Variants in POU6F2 observed in about 807,000 individuals in gnomAD.
POU6F2 encodes the protein POU class 6 homeobox 2.
In POU6F2, 31 loss-of-function variants were observed where a neutral mutation model predicts 71.3. The observed-to-expected ratio is 0.43, with a 90% CI of 0.33 to 0.59. The LOEUF (loss-of-function observed/expected upper bound fraction) is 0.59, where lower values mean the gene tolerates loss of function less well. Ranked by LOEUF, POU6F2 falls within the 20% of genes least tolerant of loss-of-function variation. The pLI, the probability that POU6F2 is intolerant of heterozygous loss-of-function variation, is 0.04. For missense variants in POU6F2, 783 were observed against 856.8 expected, an observed-to-expected ratio of 0.91 and a Z score of 1.07; for synonymous variants, 347 against 355.7, an observed-to-expected ratio of 0.98 and a Z score of 0.27.
At chr7:39,206,440 T>C (rs768949383) in intron 3 of POU6F2, among the ~76,000 whole-genome samples, 18 of 152,234 alleles carry the variant, frequency 1.2e-4, no homozygotes, top group Non-Finnish European at 1.8e-4. Flanking sequence ...GCAAATGATG[T>C]TAGAGTAATA....
At chr7:39,192,900 G>A (rs1021660860) in intron 2 of POU6F2, among the ~76,000 whole-genome samples, 1 of 152,156 alleles carries the variant, frequency 6.6e-6, no homozygotes, top group Non-Finnish European at 1.5e-5. Context: ...AACAAGAAAG[G>A]GAGGAGTGAA....
intron 3 of POU6F2, among the ~76,000 whole-genome samples, chr7:39,206,329 G>A (rs1245345731): frequency 6.6e-6 from 1 of 152,122 alleles, no homozygotes; most frequent in Non-Finnish European, 1.5e-5. Flanking sequence ...CCCACGTGCT[G>A]CACTCAAAAC....
At chr7:38,996,866 C>T (rs1233336752) in intron 1 of POU6F2, among the ~76,000 whole-genome samples, 4 of 152,112 alleles carry the variant, frequency 2.6e-5, no homozygotes, top group South Asian at 2.1e-4. Flanking sequence ...CACCTTGACT[C>T]CCCCCACCTT....
At chr7:39,286,182 A>G (rs1241625166) in intron 4 of POU6F2, among the ~76,000 whole-genome samples, 1 of 152,202 alleles carries the variant, frequency 6.6e-6, no homozygotes, top group Non-Finnish European at 1.5e-5. Context: ...TTATACGGTC[A>G]TACATCTATC....
chr7:39,460,494 T>C lies in POU6F2; in HGVS notation c.1490-53T>C. 8.9e-6 allele frequency: 14 copies of C among 1,578,888 alleles called. No individual in the cohort carries two copies. The highest frequency in any genetic ancestry group is 2.3e-5 in the East Asian group (1 of 43,918). ...TCTTATAAACCGTAATAAACAGATATTGCTCGGCTGTGTGTTGACGTATTG... is the reference window on the plus strand; with the variant it reads ...TCTTATAAACCGTAATAAACAGATACTGCTCGGCTGTGTGTTGACGTATTG... On this transcript the variant is annotated intron_variant, in intron 8 of 9. Transcript: ENST00000518318. The surrounding 1 kb of genome is among the most constrained non-coding windows in gnomAD (Gnocchi z 4.4).
At chr7:39,311,648 A>G (rs1053841412) in intron 4 of POU6F2, among the ~76,000 whole-genome samples, 4 of 152,230 alleles carry the variant, frequency 2.6e-5, no homozygotes, top group African/African-American at 9.6e-5. Context: ...AAATAATTCA[A>G]TGATCTAGCT....
chr7:39,012,087 G>A (rs1789309360), intron 1 of POU6F2, among the ~76,000 whole-genome samples: 1 of 151,660 alleles, frequency 6.6e-6, no homozygotes, highest in Admixed American at 6.6e-5. Flanking sequence ...CTAGATTGGG[G>A]AAGTTCTCCT....
chr7:39,186,658 C>T (rs779870069), intron 2 of POU6F2, among the ~76,000 whole-genome samples: 2 of 152,218 alleles, frequency 1.3e-5, no homozygotes, highest in Non-Finnish European at 2.9e-5. Flanking sequence ...ATTCTTCTTC[C>T]ACTACCGCTC....
At chr7:38,987,569 C>G (rs1377179583) in intron 1 of POU6F2, among the ~76,000 whole-genome samples, 2 of 152,046 alleles carry the variant, frequency 1.3e-5, no homozygotes, top group Non-Finnish European at 2.9e-5. Context: ...TCCTTCAACC[C>G]TGATTCATAA....
At chr7:39,297,238 T>C (rs991414462) in intron 4 of POU6F2, among the ~76,000 whole-genome samples, 37 of 89,338 alleles carry the variant, frequency 4.1e-4, no homozygotes, top group African/African-American at 1.1e-3. Context: ...CACACACACA[T>C]GAATTCACAT....
At chr7:39,337,301 T>C (rs140594232) in intron 4 of POU6F2, among the ~76,000 whole-genome samples, 4 of 152,370 alleles carry the variant, frequency 2.6e-5, no homozygotes, top group African/African-American at 9.6e-5. Context: ...ATTTTCAGAA[T>C]GTATTTCTGT....
chr7:39,347,246 A>C (rs189682733), intron 5 of POU6F2, among the ~76,000 whole-genome samples: 1 of 152,342 alleles, frequency 6.6e-6, no homozygotes, highest in African/African-American at 2.4e-5. Context: ...GGGGAATATG[A>C]GACAAACACA....
At chr7:39,139,580 C>T (rs1792455743) in intron 2 of POU6F2, among the ~76,000 whole-genome samples, 1 of 152,176 alleles carries the variant, frequency 6.6e-6, no homozygotes, top group Non-Finnish European at 1.5e-5. Context: ...TGCTGTTTTG[C>T]AAGATTGGAA....
intron 4 of POU6F2, among the ~76,000 whole-genome samples, chr7:39,283,892 T>C (rs1448625021): frequency 6.6e-6 from 1 of 152,206 alleles, no homozygotes; most frequent in African/African-American, 2.4e-5. Flanking sequence ...GACACGTGCA[T>C]TATTAAATTA....
chr7:39,308,872 G>A (rs1313049778), intron 4 of POU6F2, among the ~76,000 whole-genome samples: 2 of 152,184 alleles, frequency 1.3e-5, no homozygotes, highest in African/African-American at 2.4e-5. Context: ...GCCAGGAATT[G>A]ATCCGCCTAC....
At chr7:39,451,450 T>C in intron 7 of POU6F2, 83 bp from the exon 8 acceptor site, 1 of 1,347,630 alleles carries the variant, frequency 7.4e-7, no homozygotes, top group Non-Finnish European at 1.0e-6. Flanking sequence ...AATGATTCAC[T>C]CCCAGATAAA....
At chr7:39,394,986 C>T (rs1173962943) in intron 5 of POU6F2, among the ~76,000 whole-genome samples, 1 of 152,090 alleles carries the variant, frequency 6.6e-6, no homozygotes, top group Non-Finnish European at 1.5e-5. Flanking sequence ...TGAACCATAC[C>T]GTGCTTCTGT....
At chr7:39,283,117 G>T (rs1322861759) in intron 4 of POU6F2, among the ~76,000 whole-genome samples, 1 of 151,940 alleles carries the variant, frequency 6.6e-6, no homozygotes. Flanking sequence ...TATGATTTTT[G>T]AATGTTGATT....
Position 39,130,403 on chromosome 7 carries a change from C to A in POU6F2, c.277+44372C>A, listed in dbSNP as rs142216793. On this transcript the variant is annotated intron_variant, in intron 2 of 9. Transcript: ENST00000518318. ...CCTGATTTAGACGCACATGGGCCAT[C>A]CAAATGACTTAGTTGACAGTACATG... Among the ~76,000 whole-genome samples the A allele has an allele frequency of 2.9e-3, 441 of 152,188 alleles. 3 individuals are homozygous for A. Among genetic ancestry groups the A allele is most frequent in the African/African-American group, 0.01 (418 of 41,506 alleles).
Sources: gnomAD v4.1 joint callset for allele counts (sites outside exome capture counted in the v4.1 genomes callset) on GRCh38, gnomAD v4.1.1 for gene constraint, Gnocchi (gnomAD v3.1) non-coding constraint, MANE v1.5 for transcripts, NCBI Gene and HGNC (gene_info 2026-07-23, HGNC 2026-07-21) for gene names.